PTPN4: variants seen among roughly 807,000 people sequenced by gnomAD.
The protein encoded by PTPN4 is tyrosine-protein phosphatase non-receptor type 4.
In PTPN4, 49 loss-of-function variants were observed where a neutral mutation model predicts 135.5. That is an observed-to-expected ratio of 0.36 (90% CI 0.29 to 0.46). The LOEUF is 0.46. Ranked by LOEUF, PTPN4 falls within the 20% of genes least tolerant of loss-of-function variation. The pLI is 1.00. For synonymous variants in PTPN4, 333 were observed against 369.9 expected (o/e 0.90, Z 1.14); for missense variants, 860 against 1,101.0 (o/e 0.78, Z 3.10).
At chr2:119,923,845 T>C (rs1160013246) in intron 12 of PTPN4, among the ~76,000 whole-genome samples, 1 of 152,056 alleles carries the variant, frequency 6.6e-6, no homozygotes, top group Non-Finnish European at 1.5e-5. Context: ...AATATAACTT[T>C]AAAAAAATGA....
intron 9 of PTPN4, among the ~76,000 whole-genome samples, chr2:119,899,543 T>C (rs1373373573): frequency 1.3e-5 from 2 of 152,194 alleles, no homozygotes; most frequent in Non-Finnish European, 2.9e-5. Flanking sequence ...ATGTTATAGA[T>C]TGTTTTTAAG....
chr2:119,808,383 A>G (rs924498561), intron 1 of PTPN4, among the ~76,000 whole-genome samples: 16 of 152,240 alleles, frequency 1.1e-4, no homozygotes, highest in Non-Finnish European at 1.6e-4. Flanking sequence ...GCAAAGTCCC[A>G]GGATACAAAA....
intron 19 of PTPN4, among the ~76,000 whole-genome samples, chr2:119,954,936 T>A (rs1389554477): frequency 6.6e-6 from 1 of 152,152 alleles, no homozygotes. Context: ...TTCAGCAATG[T>A]AGCCAAGAAC....
intron 2 of PTPN4, among the ~76,000 whole-genome samples, chr2:119,810,324 T>C (rs1487349492): frequency 6.6e-6 from 1 of 152,200 alleles, no homozygotes; most frequent in Non-Finnish European, 1.5e-5. Flanking sequence ...TCATGGTAAT[T>C]TTACTTGTAC....
chr2:119,950,809 T>A (rs1183388200), intron 18 of PTPN4, among the ~76,000 whole-genome samples: 1 of 152,196 alleles, frequency 6.6e-6, no homozygotes, highest in Non-Finnish European at 1.5e-5. Context: ...CTTCTCACTT[T>A]GTGCTATAGT....
chr2:119,890,090 A>G (rs1010620761), intron 9 of PTPN4, among the ~76,000 whole-genome samples: 4 of 152,100 alleles, frequency 2.6e-5, no homozygotes, highest in Admixed American at 2.6e-4. Context: ...AGATTTGTCT[A>G]ATGCTGAGAG....
chr2:119,962,680 C>A lies in PTPN4; in HGVS notation c.2345C>A (p.Thr782Asn). Residue 782 changes from threonine to asparagine, a missense_variant, in exon 24 of 27, where the codon ACC becomes AAC. By Grantham distance (65) the Thr-to-Asn change is moderately conservative. Transcript: ENST00000263708. The part of the protein sequence containing the change: ...GSSSYGCYQV[T>N]CHSEEGNTAY... ...TCATCTTATGGATGCTACCAAGTTA[C>A]CTGCCACTCTGAAGAAGGAAACACT... 6.3e-7 allele frequency: 1 copy of A among 1,587,926 alleles called. No homozygotes were observed. Among genetic ancestry groups the A allele is most frequent in the Non-Finnish European group, 8.6e-7 (1 of 1,161,026 alleles).
intron 1 of PTPN4, among the ~76,000 whole-genome samples, chr2:119,795,895 C>T (rs1267083456): frequency 1.3e-5 from 2 of 151,644 alleles, no homozygotes; most frequent in South Asian, 2.1e-4. Flanking sequence ...GGCTCAGGAG[C>T]GAGGGGAGGC....
At chr2:119,968,619 G>A (rs992477132) in intron 26 of PTPN4, among the ~76,000 whole-genome samples, 2 of 152,078 alleles carry the variant, frequency 1.3e-5, no homozygotes, top group Admixed American at 6.6e-5. Flanking sequence ...GTGAAACCCC[G>A]TCTCTACTAA....
intron 10 of PTPN4, among the ~76,000 whole-genome samples, chr2:119,908,424 A>G (rs759463162): frequency 1.3e-5 from 2 of 152,086 alleles, no homozygotes; most frequent in African/African-American, 2.4e-5. Context: ...AATAATTCAA[A>G]GTTTTTTATT....
rs1311334087 is a variant in PTPN4 at position 119,844,585 on chromosome 2, C to T, written c.139-17951C>T. ...CTCACCTCCCAGACGGGGTCTCGGC[C>T]GGGCAGAGGCGCTCCTCACATCCCA... is the stretch of plus-strand genomic sequence containing the variant. On this transcript the variant is annotated intron_variant, in intron 2 of 26. Coordinates refer to ENST00000263708, the MANE Select transcript of PTPN4 (RefSeq NM_002830.4). Among the ~76,000 whole-genome samples, 432 of 149,748 alleles carry T rather than the reference C, an allele frequency of 2.9e-3. 2 individuals carry two copies. Among genetic ancestry groups the T allele is most frequent in the African/African-American group, 0.01 (405 of 40,468 alleles).
intron 2 of PTPN4, among the ~76,000 whole-genome samples, chr2:119,853,984 G>A (rs1677635011): frequency 6.6e-6 from 1 of 152,206 alleles, no homozygotes; most frequent in South Asian, 2.1e-4. Context: ...GACAGAGGGA[G>A]CGGGGCTCTG....
At chr2:119,774,084 T>G (rs1276102160) in intron 1 of PTPN4, among the ~76,000 whole-genome samples, 2 of 152,242 alleles carry the variant, frequency 1.3e-5, no homozygotes, top group Non-Finnish European at 2.9e-5. Flanking sequence ...ATGAGTAGTT[T>G]GTCTCTCCAG....
At chr2:119,765,013 C>G (rs573787326) in intron 1 of PTPN4, among the ~76,000 whole-genome samples, 1 of 152,178 alleles carries the variant, frequency 6.6e-6, no homozygotes, top group African/African-American at 2.4e-5. Flanking sequence ...CGTCAAAAAC[C>G]TCGGGCAAAC....
At chr2:119,953,780 G>A (rs981149080) in intron 19 of PTPN4, among the ~76,000 whole-genome samples, 2 of 152,094 alleles carry the variant, frequency 1.3e-5, no homozygotes, top group Non-Finnish European at 2.9e-5. Flanking sequence ...TAGAGCTGAA[G>A]ATACTTTGAC....
intron 15 of PTPN4, among the ~76,000 whole-genome samples, chr2:119,943,099 G>C (rs961165393): frequency 1.2e-4 from 18 of 152,306 alleles, no homozygotes; most frequent in African/African-American, 4.1e-4. Context: ...TTCTTTTGCA[G>C]TTATATTTTA....
intron 3 of PTPN4, among the ~76,000 whole-genome samples, chr2:119,872,857 G>A (rs889923220): frequency 1.3e-5 from 2 of 152,162 alleles, no homozygotes; most frequent in African/African-American, 4.8e-5. Context: ...AAGAATATAA[G>A]CTAGAATTTA....
chr2:119,889,144 GC>G (rs1429201615), intron 9 of PTPN4, among the ~76,000 whole-genome samples: 2 of 152,170 alleles, frequency 1.3e-5, no homozygotes, highest in Non-Finnish European at 2.9e-5. Context: ...GATGGGCTGG[GC>G]ACAGTGGCTC....
At chr2:119,804,327 C>T (rs767164045) in intron 1 of PTPN4, among the ~76,000 whole-genome samples, 3 of 151,856 alleles carry the variant, frequency 2.0e-5, no homozygotes, top group Non-Finnish European at 4.4e-5. Flanking sequence ...ATGTGCACAA[C>T]GTGCAAGTTT....
Sources: gnomAD v4.1 joint callset for allele counts (sites outside exome capture counted in the v4.1 genomes callset) on GRCh38, gnomAD v4.1.1 for gene constraint, MANE v1.5 for transcripts, NCBI Gene and HGNC (gene_info 2026-07-23, HGNC 2026-07-21) for gene names.